PRRC2B: variants seen among roughly 807,000 people sequenced by gnomAD.
PRRC2B encodes protein PRRC2B.
In PRRC2B, 68 loss-of-function variants were observed where a neutral mutation model predicts 242.3. The observed-to-expected ratio is 0.28, with a 90% CI of 0.23 to 0.34. The LOEUF (loss-of-function observed/expected upper bound fraction) is 0.34. PRRC2B is among the 10% of genes least tolerant of loss of function. The probability of loss-of-function intolerance (pLI) is 1.00; values close to 1 mark genes in which losing one functional copy is unlikely to be tolerated. For synonymous variants in PRRC2B, 1,228 were observed against 1,173.6 expected, an observed-to-expected ratio of 1.05 and a Z score of -0.95; for missense variants, 2,835 against 2,954.8, an observed-to-expected ratio of 0.96 and a Z score of 0.94.
At chr9:131,452,324 T>G (rs769303551) in intron 9 of PRRC2B, among the ~76,000 whole-genome samples, 2 of 152,104 alleles carry the variant, frequency 1.3e-5, no homozygotes, top group Non-Finnish European at 2.9e-5. Context: ...CAGTATTACT[T>G]TACCAGTGAA....
rs779738141 is a variant in PRRC2B, at chr9:131,470,922, C to T, written c.2046C>T (p.Asp682=). The T allele has an allele frequency of 1.2e-6, 2 of 1,612,364 alleles. No individual in the cohort carries two copies. Among genetic ancestry groups the T allele is most frequent in the Non-Finnish European group, 1.7e-6 (2 of 1,178,924 alleles). ...GGATGATGATGCCTTCCTACATGGA[C>T]CCACGTATCACGCCCACTCGGACCC... ...PRWMMMPSYM[D]PRITPTRTPV... Residue 682 remains aspartate (D), a synonymous_variant, in exon 14 of 32, where the codon GAC becomes GAT. Transcript: ENST00000683519.
In PRRC2B at chr9:131,491,406, T is replaced by A; in HGVS notation, c.6226-19T>A. The A allele has an allele frequency of 6.3e-7, 1 of 1,576,434 alleles. No homozygotes were observed. Among genetic ancestry groups the A allele is most frequent in the South Asian group, 1.2e-5 (1 of 84,912 alleles). On this transcript the variant is annotated intron_variant, in intron 28 of 31. Transcript: ENST00000683519. ...CCATAGCATCATTCCCCCTCCTGAC[T>A]GTCATTGTCGCCCAGCAGCTGACCA... is the stretch of plus-strand genomic sequence containing the variant.
At chr9:131,490,865 T>C (rs1041313183) in intron 28 of PRRC2B, 13 of 318,382 alleles carry the variant, frequency 4.1e-5, no homozygotes, top group Admixed American at 2.0e-4. Context: ...CCATTACTTC[T>C]GACTTTCCTC....
chr9:131,459,425 G>A (rs994823627), intron 11 of PRRC2B, 69 bp downstream of exon 11: 12 of 1,249,036 alleles, frequency 9.6e-6, no homozygotes, highest in Non-Finnish European at 1.3e-5. Flanking sequence ...TTTCTGAGAA[G>A]TCCTAAGTGG....
intron 2 of PRRC2B, among the ~76,000 whole-genome samples, chr9:131,430,830 T>C (rs1564281703): frequency 6.6e-6 from 1 of 151,904 alleles, no homozygotes; most frequent in East Asian, 1.9e-4. Flanking sequence ...TGACCTCAGG[T>C]GATCCACCCG....
intron 14 of PRRC2B, among the ~76,000 whole-genome samples, chr9:131,472,339 C>T (rs966762659): frequency 6.6e-6 from 1 of 152,076 alleles, no homozygotes; most frequent in African/African-American, 2.4e-5. Flanking sequence ...GAGTCTTGCT[C>T]TGTCATGCAG....
chr9:131,473,670 A>G lies in PRRC2B; in HGVS notation c.2270A>G (p.Tyr757Cys), dbSNP rs773313637. 8.1e-6 allele frequency: 13 copies of G among 1,613,662 alleles called. No individual in the cohort carries two copies. Among genetic ancestry groups the G allele is most frequent in the Non-Finnish European group, 1.1e-5 (13 of 1,179,862 alleles). Residue 757 changes from tyrosine (Y) to cysteine (C), a missense_variant, in exon 15 of 32, where the codon TAC (tyrosine) becomes TGC (cysteine). Around this residue, in one of 7 missense-constraint regions of PRRC2B, gnomAD observed 1,536 missense variants for 1,483.1 expected, o/e 1.04. Transcript: ENST00000683519. ...TACATGGCACTGCAGAGCAAGGGCTACCCGCTCCCGCACCCGAAGTCGAGT... is the reference window on the plus strand; with the variant it reads ...TACATGGCACTGCAGAGCAAGGGCTGCCCGCTCCCGCACCCGAAGTCGAGT... Reference protein sequence around the residue: ...EGYMALQSKGYPLPHPKSSDT... With the variant: ...EGYMALQSKGCPLPHPKSSDT...
chr9:131,476,227 C>G lies in PRRC2B; in HGVS notation c.4098C>G (p.Ser1366=), dbSNP rs201458162. Residue 1366 remains serine (S), a synonymous_variant, in exon 16 of 32, where the codon TCC becomes TCG. Coordinates refer to ENST00000683519, the MANE Select transcript of PRRC2B (RefSeq NM_013318.4). The part of the protein sequence containing the change: ...RRSPELSYQN[S]SDHANEEWET... ...CCCCTGAGCTCTCCTACCAGAACTC[C>G]TCCGATCACGCCAATGAGGAGTGGG... 247 of 1,613,286 alleles carry G rather than the reference C, an allele frequency of 1.5e-4. 6 individuals are homozygous for G. In the African/African-American group the frequency reaches 1.9e-3, roughly 12 times the overall value.
chr9:131,418,675 G>C (rs555585037), intron 1 of PRRC2B, among the ~76,000 whole-genome samples: 2 of 152,310 alleles, frequency 1.3e-5, no homozygotes, highest in South Asian at 2.1e-4. Flanking sequence ...GGCAAGCCAG[G>C]GACAGCTGCA....
chr9:131,449,285 G>A (rs1284727177), intron 9 of PRRC2B, among the ~76,000 whole-genome samples: 2 of 152,118 alleles, frequency 1.3e-5, no homozygotes, highest in Non-Finnish European at 2.9e-5. Context: ...CTTTTCCCCT[G>A]GTGGTTGTGC....
Position 131,496,638 on chromosome 9 carries a change from C to T in PRRC2B, c.*764C>T, listed in dbSNP as rs1468315934. 3 of 148,168 alleles carry T rather than the reference C, an allele frequency of 2.0e-5. No homozygotes were observed. The highest frequency in any genetic ancestry group is 4.5e-5 in the Non-Finnish European group (3 of 66,942). The allele number at this position is 148,168 out of a possible 1,614,324, so 9.2% of individuals were successfully genotyped here. ...AGGCAGGTTGGGGGAGGGGGGGGGT[C>T]ATAGTTGGGTTCCAGCTCCTGGCTT... On this transcript the variant is annotated 3_prime_UTR_variant, in exon 32 of 32. Coordinates refer to ENST00000683519, the MANE Select transcript of PRRC2B (RefSeq NM_013318.4).
At chr9:131,460,326 A>T (rs1943206541) in intron 11 of PRRC2B, among the ~76,000 whole-genome samples, 1 of 152,104 alleles carries the variant, frequency 6.6e-6, no homozygotes, top group South Asian at 2.1e-4. Context: ...CCTTTCCTTC[A>T]CTTTCATGAC....
intron 1 of PRRC2B, among the ~76,000 whole-genome samples, chr9:131,374,869 C>T (rs1002783300): frequency 1.3e-5 from 2 of 151,914 alleles, no homozygotes; most frequent in Non-Finnish European, 2.9e-5. Context: ...ATAGAAGGAT[C>T]ATATTTCCCA....
Position 131,478,054 on chromosome 9 carries a change from C to T in PRRC2B, c.4612+105C>T, listed in dbSNP as rs373881348. 2,488 of 956,486 alleles carry T rather than the reference C, an allele frequency of 2.6e-3. 14 individuals carry two copies. Among genetic ancestry groups the T allele is most frequent in the Non-Finnish European group, 3.0e-3 (1,896 of 630,292 alleles). 59.2% of individuals were successfully genotyped at this position (956,486 alleles called of 1,614,324 possible). On this transcript the variant is annotated intron_variant, in intron 17 of 31. Coordinates refer to ENST00000683519, the MANE Select transcript of PRRC2B (RefSeq NM_013318.4). The stretch of plus-strand genomic sequence containing the variant: ...CCCTTGCACTGAGTACCTTAGCTTT[C>T]GGAACAGCTCGGCCAGGCCCTGGGC...
Position 131,439,167 on chromosome 9 carries a change from T to C in PRRC2B, c.469+106T>C. 5.6e-6 allele frequency: 5 copies of C among 890,692 alleles called. No homozygotes were observed. In the South Asian group the frequency reaches 7.3e-5, roughly 13 times the overall value. 55.2% of individuals were successfully genotyped at this position (890,692 alleles called of 1,614,324 possible). On this transcript the variant is annotated intron_variant, in intron 5 of 31. Transcript: ENST00000683519. ...CTAGGCACCCAGAAGCTTTGAGGACTCTCTTCCACAAAGAGGTACCGTCTA... is the reference window on the plus strand; with the variant it reads ...CTAGGCACCCAGAAGCTTTGAGGACCCTCTTCCACAAAGAGGTACCGTCTA...
At chr9:131,410,592 A>T (rs1837483214) in intron 1 of PRRC2B, among the ~76,000 whole-genome samples, 1 of 152,230 alleles carries the variant, frequency 6.6e-6, no homozygotes, top group South Asian at 2.1e-4. Context: ...TAACTGGATG[A>T]TAGTGACCTT....
intron 11 of PRRC2B, among the ~76,000 whole-genome samples, chr9:131,462,720 C>G (rs954603888): frequency 1.3e-5 from 2 of 150,668 alleles, no homozygotes; most frequent in African/African-American, 4.9e-5. Flanking sequence ...CGCCGGTATT[C>G]CCAGCTACTC....
chr9:131,471,170 T>C (rs1309370784), intron 14 of PRRC2B, among the ~76,000 whole-genome samples, 187 bp downstream of exon 14: 2 of 152,224 alleles, frequency 1.3e-5, no homozygotes, highest in African/African-American at 2.4e-5. Flanking sequence ...GTCATAAAGA[T>C]TTGTTGGGAA....
At chr9:131,402,307 C>T (rs989921410) in intron 1 of PRRC2B, among the ~76,000 whole-genome samples, 1 of 152,106 alleles carries the variant, frequency 6.6e-6, no homozygotes, top group South Asian at 2.1e-4. Flanking sequence ...TCTGTGAAAC[C>T]GAATACTCTT....
Sources: allele counts gnomAD v4.1 joint callset (sites outside exome capture counted in the v4.1 genomes callset), GRCh38; gene constraint gnomAD v4.1.1; regional missense constraint gnomAD v4.1.1; transcripts MANE v1.5; gene names NCBI Gene and HGNC (gene_info 2026-07-23, HGNC 2026-07-21).